COBL: variants seen among roughly 807,000 people sequenced by gnomAD.
The protein encoded by COBL is protein cordon-bleu.
In COBL, 51 loss-of-function variants were observed where a neutral mutation model predicts 98.8. The ratio of observed to expected loss-of-function variants is 0.52; its 90% confidence interval spans 0.41 to 0.65. The LOEUF (loss-of-function observed/expected upper bound fraction) is 0.65, where lower values mean the gene tolerates loss of function less well. Among genes scored for constraint, COBL ranks in the 30% least tolerant of loss-of-function variants. The probability of loss-of-function intolerance (pLI) is 0.00; values close to 1 mark genes in which losing one functional copy is unlikely to be tolerated. For missense variants in COBL, 1,617 were observed against 1,617.5 expected (o/e 1.00, Z 0.01); for synonymous variants, 634 against 651.7 (o/e 0.97, Z 0.41).
intron 2 of COBL, among the ~76,000 whole-genome samples, chr7:51,215,362 T>C (rs1197450045): frequency 6.6e-6 from 1 of 152,248 alleles, no homozygotes; most frequent in Non-Finnish European, 1.5e-5. Flanking sequence ...AGTGGGCTTT[T>C]TGGCATGTTT....
intron 1 of COBL, among the ~76,000 whole-genome samples, chr7:51,234,172 G>C (rs1795020393): frequency 6.6e-6 from 1 of 152,178 alleles, no homozygotes; most frequent in African/African-American, 2.4e-5. Context: ...TATGACACTT[G>C]ATCACCTCAT....
rs1211222539 is a variant in COBL at position 51,016,673 on chromosome 7, A to G, written c.*878T>C. 3.0e-6 allele frequency: 1 copy of G among 337,018 alleles called. No individual in the cohort carries two copies. Among genetic ancestry groups the G allele is most frequent in the Non-Finnish European group, 5.3e-6 (1 of 187,080 alleles). 20.9% of individuals were successfully genotyped at this position (337,018 alleles called of 1,614,324 possible). A position where few individuals can be genotyped will look rare whatever the true frequency, so the allele number is the denominator to read the frequency against. On this transcript the variant is annotated 3_prime_UTR_variant, in exon 13 of 13. Coordinates refer to ENST00000265136, the MANE Select transcript of COBL (RefSeq NM_015198.5). ...AACTCTTGACAGGTGGGCATCCAAC[A>G]TCCCTGCTCCTTGACCCTCTGCAGG...
chr7:51,033,173 G>T (rs1285391419), intron 8 of COBL: 1 of 152,106 alleles, frequency 6.6e-6, no homozygotes, highest in African/African-American at 2.4e-5. Context: ...AAGATGTGAT[G>T]AATCTGACAG....
At chr7:51,182,001 A>G (rs978612438) in intron 5 of COBL, among the ~76,000 whole-genome samples, 2 of 152,188 alleles carry the variant, frequency 1.3e-5, no homozygotes, top group Non-Finnish European at 2.9e-5. Flanking sequence ...AGGTGACCTT[A>G]CTTTGCTAAA....
At chr7:51,062,806 A>G (rs1791519596) in intron 7 of COBL, among the ~76,000 whole-genome samples, 1 of 152,142 alleles carries the variant, frequency 6.6e-6, no homozygotes. Context: ...GGGTGGCATG[A>G]GCAAGGCTGC....
chr7:51,250,658 G>A (rs189299718), intron 1 of COBL, among the ~76,000 whole-genome samples: 116 of 152,304 alleles, frequency 7.6e-4, no homozygotes, highest in African/African-American at 2.4e-3. Context: ...AATGGTTTAC[G>A]AAGTTGTCCT....
chr7:51,229,428 A>G lies in COBL; in HGVS notation c.42-9484T>C, dbSNP rs554020115. Among the ~76,000 whole-genome samples, 205 of 152,318 alleles carry G rather than the reference A, an allele frequency of 1.3e-3. 2 individuals carry two copies. The highest frequency in any genetic ancestry group is 2.6e-3 in the Non-Finnish European group (179 of 68,028). On this transcript the variant is annotated intron_variant, in intron 1 of 12. Transcript: ENST00000265136. ...GAGAGTTGTGAGGGAGGAAGGGCTG[A>G]GCTCGCCTTTCATCGGGATGCCTGG...
intron 12 of COBL, chr7:51,022,889 GTCAC>G (rs773244600): frequency 6.6e-5 from 10 of 152,236 alleles, no homozygotes; most frequent in Non-Finnish European, 1.2e-4. Context: ...TTAATGTAAA[GTCAC>G]TTGGATAGCA....
At chr7:51,177,775 AAAATAAATAAATAAATAAATAAAT>A (rs147309503) in intron 5 of COBL, among the ~76,000 whole-genome samples, 1 of 142,840 alleles carries the variant, frequency 7.0e-6, no homozygotes, top group African/African-American at 2.6e-5. Context: ...CTGTCTCAAA[AAAATAAATAAATAAATAAATAAAT>A]AAATAAATAA....
intron 6 of COBL, among the ~76,000 whole-genome samples, chr7:51,105,197 C>T (rs763418777): frequency 1.3e-5 from 2 of 151,954 alleles, no homozygotes; most frequent in Admixed American, 6.6e-5. Context: ...CTTCCAAGAC[C>T]GCCATTAAAA....
At chr7:51,297,206 G>A (rs1801494028) in intron 1 of COBL, among the ~76,000 whole-genome samples, 1 of 152,090 alleles carries the variant, frequency 6.6e-6, no homozygotes, top group South Asian at 2.1e-4. Context: ...TCAGCATCAA[G>A]GCTGAGCAAT....
At chr7:51,096,098 T>G (rs145452038) in intron 6 of COBL, among the ~76,000 whole-genome samples, 1 of 152,112 alleles carries the variant, frequency 6.6e-6, no homozygotes, top group Non-Finnish European at 1.5e-5. Context: ...TTCTCTATGA[T>G]AGATCACATT....
At chr7:51,172,680 G>C (rs1159355525) in intron 5 of COBL, 2 of 302,232 alleles carry the variant, frequency 6.6e-6, no homozygotes, top group Non-Finnish European at 1.1e-5. Context: ...ACTTCTGCCA[G>C]TTTATGAACA....
intron 12 of COBL, among the ~76,000 whole-genome samples, chr7:51,018,927 T>A (rs1208249259): frequency 0.055 from 3,003 of 54,220 alleles, 618 homozygotes; most frequent in African/African-American, 0.15. Flanking sequence ...TATATATATA[T>A]ATATATATAT....
intron 1 of COBL, among the ~76,000 whole-genome samples, chr7:51,248,077 T>C (rs958275656): frequency 1.3e-5 from 2 of 151,904 alleles, no homozygotes; most frequent in African/African-American, 4.8e-5. Flanking sequence ...AGGGGGAGGC[T>C]GCAGTGAGCC....
At chr7:51,153,149 G>T (rs1708350824) in intron 5 of COBL, among the ~76,000 whole-genome samples, 1 of 152,126 alleles carries the variant, frequency 6.6e-6, no homozygotes, top group Non-Finnish European at 1.5e-5. Flanking sequence ...TATCAAATGT[G>T]TGCACACTCC....
chr7:51,198,468 C>G (rs569581873), intron 2 of COBL, among the ~76,000 whole-genome samples: 38 of 152,204 alleles, frequency 2.5e-4, no homozygotes, highest in African/African-American at 8.9e-4. Context: ...CTTGGAGAAT[C>G]TGATGATTAT....
chr7:51,186,615 C>A (rs1789542153), intron 4 of COBL, among the ~76,000 whole-genome samples: 1 of 152,220 alleles, frequency 6.6e-6, no homozygotes, highest in African/African-American at 2.4e-5. Context: ...CACCAGAATG[C>A]CCCTCAATAG....
At chr7:51,223,978 G>A (rs1283912869) in intron 1 of COBL, among the ~76,000 whole-genome samples, 2 of 152,174 alleles carry the variant, frequency 1.3e-5, no homozygotes, top group Non-Finnish European at 2.9e-5. Flanking sequence ...CATATATAAA[G>A]GTAGTCCCCT....
Sources: allele counts gnomAD v4.1 joint callset (sites outside exome capture counted in the v4.1 genomes callset), GRCh38; gene constraint gnomAD v4.1.1; transcripts MANE v1.5; gene names NCBI Gene and HGNC (gene_info 2026-07-23, HGNC 2026-07-21).